Variants in PDE1A observed in about 807,000 individuals in gnomAD.
The protein encoded by PDE1A is dual specificity calcium/calmodulin-dependent 3',5'-cyclic nucleotide phosphodiesterase 1A.
PDE1A carries 35 observed loss-of-function variants against 61.7 expected under a neutral mutation model. The observed-to-expected ratio is 0.57, with a 90% confidence interval of 0.43 to 0.75. PDE1A has a LOEUF of 0.75. Ranked by LOEUF, PDE1A falls within the 30% of genes least tolerant of loss-of-function variation. The pLI, the probability that PDE1A is intolerant of heterozygous loss-of-function variation, is 0.00. For synonymous variants in PDE1A, 232 were observed against 213.2 expected (o/e 1.09, Z -0.77); for missense variants, 597 against 630.6 (o/e 0.95, Z 0.57).
rs541431365 is a variant in PDE1A at position 182,288,169 on chromosome 2, T to C, written c.54-23755A>G. Among the ~76,000 whole-genome samples the C allele has an allele frequency of 2.6e-5, 4 of 152,272 alleles. No individual in the cohort carries two copies. The South Asian group carries it at 8.3e-4, about 32-fold the overall frequency. ...TTTTATTTCCTTCCAATAGAATGTT[T>C]GTAGTAATAAAATCATAGCAGTTAA... On this transcript the variant is annotated intron_variant, in intron 1 of 13. Coordinates refer to ENST00000351439, the Ensembl canonical transcript of PDE1A.
Position 182,262,955 on chromosome 2 carries a change from ATGTGTGTG to A in PDE1A, c.167+1338_167+1345del, listed in dbSNP as rs60469609. On this transcript the variant is annotated intron_variant, in intron 2 of 13. Transcript: ENST00000351439. ...ATGTGAATTTTTTACTTATTAAACA[ATGTGTGTG>A]TGTGTGTGTGTGTGTGTGTGTGTGT... Among the ~76,000 whole-genome samples the A allele has an allele frequency of 2.9e-3, 430 of 147,214 alleles. 1 individual carries two copies. The highest frequency in any genetic ancestry group is 8.2e-3 in the East Asian group (41 of 4,980).
chr2:182,456,361 G>C (rs989745919), intron 2 of PDE1A, among the ~76,000 whole-genome samples: 3 of 152,030 alleles, frequency 2.0e-5, no homozygotes, highest in African/African-American at 7.2e-5. Context: ...CAAAGTCACT[G>C]TATTGACACA....
intron 2 of PDE1A, among the ~76,000 whole-genome samples, chr2:182,480,447 T>A (rs895922666): frequency 1.3e-5 from 2 of 151,910 alleles, no homozygotes; most frequent in African/African-American, 4.8e-5. Flanking sequence ...GAACCAGAAA[T>A]ACAGTCGGCC....
intron 1 of PDE1A, among the ~76,000 whole-genome samples, chr2:182,287,876 AT>A (rs1694268393): frequency 2.6e-5 from 4 of 152,120 alleles, no homozygotes; most frequent in Admixed American, 2.6e-4. Context: ...GAAATTTTAT[AT>A]TTATGTGTAG....
At chr2:182,636,625 G>A in the PDE1A span, among the ~76,000 whole-genome samples, 90 of 152,276 alleles carry the variant, frequency 5.9e-4, no homozygotes, top group African/African-American at 1.4e-3. Flanking sequence ...TCAGCAAAGC[G>A]AACTTTCTCC....
At chr2:182,199,053 A>AT (rs1686383848) in intron 10 of PDE1A, among the ~76,000 whole-genome samples, 1 of 151,904 alleles carries the variant, frequency 6.6e-6, no homozygotes, top group South Asian at 2.1e-4. Flanking sequence ...AGACTACATG[A>AT]TTTTTTCTTG....
intron 13 of PDE1A, among the ~76,000 whole-genome samples, chr2:182,160,336 A>T (rs1427752994): frequency 6.6e-6 from 1 of 152,170 alleles, no homozygotes; most frequent in Non-Finnish European, 1.5e-5. Context: ...GGGTATGTCC[A>T]GAAGAGATTG....
At chr2:182,695,574 G>A in the PDE1A span, among the ~76,000 whole-genome samples, 3 of 150,940 alleles carry the variant, frequency 2.0e-5, no homozygotes, top group African/African-American at 7.3e-5. Flanking sequence ...GGCTGAGGCA[G>A]GAGAATGGCG....
intron 2 of PDE1A, among the ~76,000 whole-genome samples, chr2:182,456,694 C>A (rs1685943036): frequency 6.6e-6 from 1 of 152,018 alleles, no homozygotes; most frequent in Non-Finnish European, 1.5e-5. Flanking sequence ...CTGAGTAACT[C>A]TGGGAAATTT....
At chr2:182,243,250 A>G (rs2125701016) in intron 2 of PDE1A, among the ~76,000 whole-genome samples, 1 of 152,322 alleles carries the variant, frequency 6.6e-6, no homozygotes, top group Admixed American at 6.5e-5. Context: ...TATCAGGTAG[A>G]ACTTATATTT....
chr2:182,622,390 G>A, the PDE1A span, among the ~76,000 whole-genome samples: 1 of 152,276 alleles, frequency 6.6e-6, no homozygotes, highest in African/African-American at 2.4e-5. Flanking sequence ...CCACTGCTCT[G>A]TCTCATTAGG....
the PDE1A span, among the ~76,000 whole-genome samples, chr2:182,602,870 G>C: frequency 6.6e-6 from 1 of 152,210 alleles, no homozygotes; most frequent in South Asian, 2.1e-4. Context: ...TACCAGAAGA[G>C]ACACTGGGTT....
At chr2:182,276,088 C>CCCTT (rs1257835824) in intron 1 of PDE1A, among the ~76,000 whole-genome samples, 1 of 151,962 alleles carries the variant, frequency 6.6e-6, no homozygotes, top group African/African-American at 2.4e-5. Flanking sequence ...CTTCCTCTCT[C>CCCTT]CCTTCCTTCC....
intron 2 of PDE1A, among the ~76,000 whole-genome samples, chr2:182,445,957 T>A (rs528358871): frequency 6.6e-6 from 1 of 152,066 alleles, no homozygotes; most frequent in Non-Finnish European, 1.5e-5. Flanking sequence ...TTAGTTATGA[T>A]AGAAATGAGG....
chr2:182,685,561 CT>C, the PDE1A span, among the ~76,000 whole-genome samples: 1 of 152,166 alleles, frequency 6.6e-6, no homozygotes, highest in Non-Finnish European at 1.5e-5. Context: ...GTCTACTCAT[CT>C]ACAAATTGTG....
At chr2:182,178,832 A>G (rs1029541136) in intron 13 of PDE1A, among the ~76,000 whole-genome samples, 2 of 152,052 alleles carry the variant, frequency 1.3e-5, no homozygotes. Context: ...GCAAGCAAAG[A>G]TGTGGGGGCC....
chr2:182,360,099 C>T (rs550850694), intron 1 of PDE1A, among the ~76,000 whole-genome samples: 9 of 152,110 alleles, frequency 5.9e-5, no homozygotes, highest in Admixed American at 1.3e-4. Context: ...CTTTTCTTTC[C>T]GGATTACACC....
At chr2:182,516,337 C>T (rs1404031081) in intron 2 of PDE1A, among the ~76,000 whole-genome samples, 1 of 152,074 alleles carries the variant, frequency 6.6e-6, no homozygotes, top group Admixed American at 6.6e-5. Context: ...TTTCTTCTGC[C>T]TCTCTCTTCC....
At chr2:182,677,242 A>T in the PDE1A span, among the ~76,000 whole-genome samples, 2 of 152,200 alleles carry the variant, frequency 1.3e-5, no homozygotes, top group Non-Finnish European at 2.9e-5. Context: ...ATGTACAAAG[A>T]TCACTAACAT....
Sources: gnomAD v4.1 joint callset for allele counts (sites outside exome capture counted in the v4.1 genomes callset) on GRCh38, gnomAD v4.1.1 for gene constraint, MANE v1.5 for transcripts, NCBI Gene and HGNC (gene_info 2026-07-23, HGNC 2026-07-21) for gene names.